The following NEDD1 variants were observed in gnomAD, a reference collection of about 807,000 sequenced individuals.
NEDD1 encodes the protein NEDD1 gamma-tubulin ring complex targeting factor, also known as protein NEDD1.
In NEDD1, 33 loss-of-function variants were observed where a neutral mutation model predicts 74.0. The ratio of observed to expected loss-of-function variants is 0.45; its 90% CI spans 0.34 to 0.60. The LOEUF (loss-of-function observed/expected upper bound fraction) is 0.60, where lower values mean the gene tolerates loss of function less well. Among genes scored for constraint, NEDD1 ranks in the 20% least tolerant of loss-of-function variants. The pLI is 0.01. For synonymous variants in NEDD1, 250 were observed against 264.4 expected (o/e 0.95, Z 0.53); for missense variants, 746 against 776.5 (o/e 0.96, Z 0.47).
intron 6 of NEDD1, among the ~76,000 whole-genome samples, chr12:96,925,364 G>A (rs1875581214): frequency 6.6e-6 from 1 of 152,204 alleles, no homozygotes; most frequent in African/African-American, 2.4e-5. Flanking sequence ...TTTCAGCACT[G>A]TGATCATTGC....
At chr12:96,932,082 G>T (rs1443868808) in intron 6 of NEDD1, among the ~76,000 whole-genome samples, 1 of 151,678 alleles carries the variant, frequency 6.6e-6, no homozygotes, top group Non-Finnish European at 1.5e-5. Context: ...TTAGTGAGTG[G>T]TATGTTTTTT....
chr12:96,920,482 T>C (rs1283350219), intron 6 of NEDD1, among the ~76,000 whole-genome samples: 1 of 152,180 alleles, frequency 6.6e-6, no homozygotes, highest in African/African-American at 2.4e-5. Flanking sequence ...GCAAGACAGA[T>C]ACACTCATAA....
At chr12:96,910,258 T>G (rs184086048) in intron 3 of NEDD1, among the ~76,000 whole-genome samples, 4 of 152,260 alleles carry the variant, frequency 2.6e-5, no homozygotes, top group Admixed American at 2.6e-4. Context: ...TTGGAATGAG[T>G]TTTTGCATCT....
intron 7 of NEDD1, among the ~76,000 whole-genome samples, 196 bp from the exon 8 acceptor site, chr12:96,936,415 C>T (rs1877096106): frequency 6.6e-6 from 1 of 152,160 alleles, no homozygotes; most frequent in Non-Finnish European, 1.5e-5. Flanking sequence ...TTTAGCAGTT[C>T]TCTATATGCC....
At chr12:96,910,507 G>A (rs1873807487) in intron 3 of NEDD1, among the ~76,000 whole-genome samples, 1 of 152,076 alleles carries the variant, frequency 6.6e-6, no homozygotes, top group African/African-American at 2.4e-5. Flanking sequence ...CCCTGTCTTG[G>A]TGAGCTCCTC....
Position 96,932,463 on chromosome 12 carries a change from A to AAT in NEDD1, c.490-2489_490-2488dup, listed in dbSNP as rs1555203253. 9.0e-3 allele frequency among the ~76,000 whole-genome samples: 85 copies of AAT among 9,428 alleles called. 12 individuals carry two copies. The highest frequency in any genetic ancestry group is 0.17 in the Middle Eastern group (2 of 12). The allele number at this position is 9,428 out of a possible 152,430, so 6.2% of individuals were successfully genotyped here. ...CTCTTAAAAAAAAAAAAAAAAAAAA[A>AAT]ATATATATATATATATATATATATA... On this transcript the variant is annotated intron_variant, in intron 6 of 15. Coordinates refer to ENST00000266742, the MANE Select transcript of NEDD1 (RefSeq NM_152905.4).
At chr12:96,944,607 T>C (rs1026676831) in intron 12 of NEDD1, 32 bp from the exon 13 acceptor site, 22 of 1,400,732 alleles carry the variant, frequency 1.6e-5, no homozygotes, top group East Asian at 2.6e-5. Flanking sequence ...AAAAATTGTA[T>C]ATTAAAGTCA....
At chr12:96,937,434 T>G (rs746598713) in intron 9 of NEDD1, 41 bp downstream of exon 9, 5 of 1,100,744 alleles carry the variant, frequency 4.5e-6, no homozygotes, top group East Asian at 5.7e-5. Context: ...TGGTTTGTTT[T>G]TTTTTTGTTT....
intron 14 of NEDD1, among the ~76,000 whole-genome samples, chr12:96,947,968 C>T (rs956232818): frequency 2.0e-5 from 3 of 152,168 alleles, no homozygotes; most frequent in Non-Finnish European, 4.4e-5. Context: ...AGTGAAGACC[C>T]AGAGTGGCTC....
chr12:96,911,281 T>C (rs955059432), intron 3 of NEDD1, among the ~76,000 whole-genome samples: 2 of 152,244 alleles, frequency 1.3e-5, no homozygotes, highest in Non-Finnish European at 2.9e-5. Context: ...GACTTTTGTT[T>C]TAAGTTTTAC....
In NEDD1 at chr12:96,920,144, C is replaced by T. The variant is rs763381319; in HGVS notation, c.489+19C>T. 15 of 1,490,548 alleles carry T rather than the reference C, an allele frequency of 1.0e-5. No individual in the cohort carries two copies. Among genetic ancestry groups the T allele is most frequent in the Non-Finnish European group, 7.3e-6 (8 of 1,101,984 alleles). The allele number at this position is 1,490,548 out of a possible 1,614,324, so 92.3% of individuals were successfully genotyped here. ...TAACCAGGTACAGTATGAGTTTATT[C>T]AGAGTAAAATTGGTAAGATAGATTT... On this transcript the variant is annotated intron_variant, in intron 6 of 15. Coordinates refer to ENST00000266742, the MANE Select transcript of NEDD1 (RefSeq NM_152905.4).
chr12:96,940,057 T>C (rs1453331966), intron 9 of NEDD1, among the ~76,000 whole-genome samples: 1 of 151,988 alleles, frequency 6.6e-6, no homozygotes, highest in African/African-American at 2.4e-5. Flanking sequence ...CAAAAGTAAG[T>C]TGTGTTCAGT....
At chr12:96,939,632 A>G (rs1877468659) in intron 9 of NEDD1, among the ~76,000 whole-genome samples, 1 of 152,008 alleles carries the variant, frequency 6.6e-6, no homozygotes. Flanking sequence ...TTTAATCAAA[A>G]TTTTTGAACC....
At chr12:96,909,136 A>G (rs2136501628) in intron 2 of NEDD1, among the ~76,000 whole-genome samples, 1 of 148,516 alleles carries the variant, frequency 6.7e-6, no homozygotes, top group East Asian at 2.0e-4. Context: ...AGATCACACC[A>G]TTGCACTCCA....
Position 96,921,193 on chromosome 12 carries a change from G to T in NEDD1, c.489+1068G>T, listed in dbSNP as rs192403904. Among the ~76,000 whole-genome samples, 5 of 152,072 alleles carry T rather than the reference G, an allele frequency of 3.3e-5. No homozygotes were observed. In the East Asian group the frequency reaches 5.8e-4, roughly 18 times the overall value. ...TACTCTTTTTTTGCTTGTTTGTTTG[G>T]TTTTTTGAGGCGGAGTCTCGCTCAG... On this transcript the variant is annotated intron_variant, in intron 6 of 15. Transcript: ENST00000266742.
Position 96,952,143 on chromosome 12 carries a change from A to C in NEDD1, c.*90A>C. 1.4e-6 allele frequency: 1 copy of C among 704,854 alleles called. No individual in the cohort carries two copies. Among genetic ancestry groups the C allele is most frequent in the East Asian group, 2.7e-5 (1 of 37,428 alleles). The allele number at this position is 704,854 out of a possible 1,614,324, so 43.7% of individuals were successfully genotyped here. A position where few individuals can be genotyped will look rare whatever the true frequency, so the allele number is the denominator to read the frequency against. The stretch of plus-strand genomic sequence containing the variant: ...AATCAGTATTGTTTTCATGGCCTCC[A>C]GGGAAAAAATGTTTTTCAAGTAAGA... On this transcript the variant is annotated 3_prime_UTR_variant, in exon 16 of 16. Coordinates refer to ENST00000266742, the MANE Select transcript of NEDD1 (RefSeq NM_152905.4).
intron 6 of NEDD1, among the ~76,000 whole-genome samples, chr12:96,920,455 C>T (rs552150689): frequency 3.3e-5 from 5 of 151,968 alleles, no homozygotes; most frequent in Middle Eastern, 3.2e-3. Flanking sequence ...TGTCACATAG[C>T]TCAGATTTTG....
At chr12:96,928,626 A>G (rs1246101007) in intron 6 of NEDD1, among the ~76,000 whole-genome samples, 1 of 150,422 alleles carries the variant, frequency 6.6e-6, no homozygotes, top group South Asian at 2.1e-4. Context: ...TTTTTCTAGA[A>G]TATGTCTTGA....
chr12:96,936,832 G>A lies in NEDD1; in HGVS notation c.921+20G>A, dbSNP rs776501356. 2.7e-6 allele frequency: 4 copies of A among 1,467,680 alleles called. No homozygotes were observed. 90.9% of individuals were successfully genotyped at this position (1,467,680 alleles called of 1,614,324 possible). A position where few individuals can be genotyped will look rare whatever the true frequency, so the allele number is the denominator to read the frequency against. Reference sequence around the variant, plus strand: ...ACTAAGGTGAGACATTTTCTTTTCAGCATTTTTTATTTTATTAAATAAATC... The same window carrying A: ...ACTAAGGTGAGACATTTTCTTTTCAACATTTTTTATTTTATTAAATAAATC... On this transcript the variant is annotated intron_variant, in intron 8 of 15. Coordinates refer to ENST00000266742, the MANE Select transcript of NEDD1 (RefSeq NM_152905.4).
Sources: gnomAD v4.1 joint callset for allele counts (sites outside exome capture counted in the v4.1 genomes callset) on GRCh38, gnomAD v4.1.1 for gene constraint, MANE v1.5 for transcripts, NCBI Gene and HGNC (gene_info 2026-07-23, HGNC 2026-07-21) for gene names.